UBR3: variants seen among roughly 807,000 people sequenced by gnomAD.
The protein encoded by UBR3 is ubiquitin protein ligase E3 component n-recognin 3.
A neutral mutation model predicts 243.2 loss-of-function variants in UBR3; 85 were observed. The ratio of observed to expected loss-of-function variants is 0.35; its 90% CI spans 0.29 to 0.42. UBR3 has a LOEUF of 0.42. Among genes scored for constraint, UBR3 ranks in the 10% least tolerant of loss-of-function variants. The probability of loss-of-function intolerance (pLI) is 1.00; values close to 1 mark genes in which losing one functional copy is unlikely to be tolerated. For synonymous variants in UBR3, 748 were observed against 799.8 expected (o/e 0.94, Z 1.09); for missense variants, 1,686 against 2,300.8 (o/e 0.73, Z 5.47).
chr2:169,995,056 G>A (rs1037943716), intron 26 of UBR3, among the ~76,000 whole-genome samples: 3 of 151,986 alleles, frequency 2.0e-5, no homozygotes, highest in Non-Finnish European at 4.4e-5. Flanking sequence ...AAGTAGGCTG[G>A]AAAATGAATG....
At chr2:169,963,252 A>C (rs1474215139) in intron 24 of UBR3, among the ~76,000 whole-genome samples, 1 of 152,134 alleles carries the variant, frequency 6.6e-6, no homozygotes, top group Non-Finnish European at 1.5e-5. Flanking sequence ...TTTCAGAGTC[A>C]TTTTATACTT....
chr2:169,859,300 T>C (rs1388857217), intron 1 of UBR3, among the ~76,000 whole-genome samples: 1 of 152,138 alleles, frequency 6.6e-6, no homozygotes, highest in Non-Finnish European at 1.5e-5. Flanking sequence ...CTCGATCTCC[T>C]GACCTCGTGA....
At chr2:169,894,559 G>A (rs1251590873) in intron 6 of UBR3, among the ~76,000 whole-genome samples, 1 of 152,108 alleles carries the variant, frequency 6.6e-6, no homozygotes, top group East Asian at 1.9e-4. Flanking sequence ...AATAAGGACT[G>A]ATTCAAGCCT....
chr2:169,927,086 A>G lies in UBR3; in HGVS notation c.2338+115A>G, dbSNP rs375391577. 23 of 1,289,140 alleles carry G rather than the reference A, an allele frequency of 1.8e-5. No individual in the cohort carries two copies. In the African/African-American group the frequency reaches 2.8e-4, roughly 16 times the overall value. 79.9% of individuals were successfully genotyped at this position (1,289,140 alleles called of 1,614,324 possible). On this transcript the variant is annotated intron_variant, in intron 16 of 38. Coordinates refer to ENST00000272793, the MANE Select transcript of UBR3 (RefSeq NM_172070.4). Reference sequence around the variant, plus strand: ...GGAAAGGATGTAGATAAATGTAAACAATGTTTCAAACTCTTGATATGTTGT... The same window carrying G: ...GGAAAGGATGTAGATAAATGTAAACGATGTTTCAAACTCTTGATATGTTGT...
At chr2:170,038,884 G>C (rs2090895585) in intron 31 of UBR3, among the ~76,000 whole-genome samples, 1 of 152,026 alleles carries the variant, frequency 6.6e-6, no homozygotes, top group Non-Finnish European at 1.5e-5. Flanking sequence ...TTGTGACTGG[G>C]GTGGGAGTGT....
intron 32 of UBR3, among the ~76,000 whole-genome samples, chr2:170,049,297 A>G (rs188983396): frequency 1.5e-4 from 23 of 152,366 alleles, no homozygotes; most frequent in African/African-American, 4.8e-4. Flanking sequence ...TATATTTACT[A>G]TTCATTAAGT....
chr2:169,842,247 G>T (rs1335356230), intron 1 of UBR3, among the ~76,000 whole-genome samples: 1 of 152,010 alleles, frequency 6.6e-6, no homozygotes, highest in Admixed American at 6.6e-5. Flanking sequence ...GCTCTCGTGG[G>T]GCCTTGGAGA....
At chr2:169,887,758 T>A (rs915674733) in intron 5 of UBR3, among the ~76,000 whole-genome samples, 1 of 151,898 alleles carries the variant, frequency 6.6e-6, no homozygotes, top group African/African-American at 2.4e-5. Flanking sequence ...TCTTTATTTT[T>A]AAATTTTTTT....
At chr2:169,896,976 AG>A (rs2084615566) in intron 8 of UBR3, among the ~76,000 whole-genome samples, 1 of 152,140 alleles carries the variant, frequency 6.6e-6, no homozygotes, top group African/African-American at 2.4e-5. Flanking sequence ...TTAAAGAAAA[AG>A]TTAAAAGCAC....
intron 8 of UBR3, among the ~76,000 whole-genome samples, chr2:169,900,502 T>A (rs2084778183): frequency 6.6e-6 from 1 of 152,220 alleles, no homozygotes; most frequent in African/African-American, 2.4e-5. Context: ...TTTAATTAGA[T>A]CCCATTTGTC....
chr2:170,038,994 C>T (rs894455681), intron 31 of UBR3, among the ~76,000 whole-genome samples: 2 of 151,862 alleles, frequency 1.3e-5, no homozygotes, highest in African/African-American at 4.8e-5. Context: ...ATAGAGAGTT[C>T]GAGAGAGTCA....
intron 1 of UBR3, among the ~76,000 whole-genome samples, chr2:169,850,436 A>G (rs1345889901): frequency 6.6e-6 from 1 of 151,964 alleles, no homozygotes; most frequent in Non-Finnish European, 1.5e-5. Flanking sequence ...GTCTCCTCCT[A>G]CCAAAGTGGT....
intron 11 of UBR3, among the ~76,000 whole-genome samples, chr2:169,921,339 T>C (rs905917438): frequency 6.6e-6 from 1 of 152,180 alleles, no homozygotes; most frequent in African/African-American, 2.4e-5. Flanking sequence ...CAGCTGAAGC[T>C]GTGAATCTGG....
chr2:169,948,249 G>A (rs16857319), intron 22 of UBR3, among the ~76,000 whole-genome samples: 1,777 of 151,936 alleles, frequency 0.012, 50 homozygotes, highest in African/African-American at 0.039. Flanking sequence ...CATTGCCACT[G>A]TATTACTAAC....
At chr2:169,828,105 G>T in intron 1 of UBR3, 53 bp downstream of exon 1, 1 of 1,346,274 alleles carries the variant, frequency 7.4e-7, no homozygotes. Flanking sequence ...GGACGTCGCG[G>T]GAGGGCCTGG....
intron 24 of UBR3, among the ~76,000 whole-genome samples, chr2:169,965,452 C>A (rs1169538002): frequency 6.6e-6 from 1 of 151,982 alleles, no homozygotes; most frequent in Non-Finnish European, 1.5e-5. Flanking sequence ...AGTATCAAAC[C>A]CCATATATAC....
chr2:169,990,746 CACAT>C (rs1396576780), intron 25 of UBR3, among the ~76,000 whole-genome samples: 4 of 149,584 alleles, frequency 2.7e-5, no homozygotes, highest in African/African-American at 9.8e-5. Context: ...CACACACACA[CACAT>C]AAAAGAAAAG....
At chr2:169,957,494 T>C (rs2087359402) in intron 23 of UBR3, among the ~76,000 whole-genome samples, 1 of 142,548 alleles carries the variant, frequency 7.0e-6, no homozygotes, top group Non-Finnish European at 1.5e-5. Context: ...TTCTCACTCA[T>C]AGGTGGGAAT....
intron 27 of UBR3, among the ~76,000 whole-genome samples, chr2:170,005,436 G>A (rs1171503419): frequency 6.6e-6 from 1 of 152,132 alleles, no homozygotes; most frequent in Non-Finnish European, 1.5e-5. Context: ...TTAATATGAA[G>A]GCTTTGTTTG....
Sources: gnomAD v4.1 joint callset for allele counts (sites outside exome capture counted in the v4.1 genomes callset) on GRCh38, gnomAD v4.1.1 for gene constraint, MANE v1.5 for transcripts, NCBI Gene and HGNC (gene_info 2026-07-23, HGNC 2026-07-21) for gene names.